The following ARHGAP15 variants were observed in gnomAD, a reference collection of about 807,000 sequenced individuals.
The protein encoded by ARHGAP15 is rho GTPase-activating protein 15.
ARHGAP15 carries 51 observed loss-of-function variants against 63.7 expected under a neutral mutation model. The ratio of observed to expected loss-of-function variants is 0.80; its 90% CI spans 0.64 to 1.01. ARHGAP15 has a LOEUF of 1.01. Among genes scored for constraint, ARHGAP15 ranks in the 50% least tolerant of loss-of-function variants. The probability of loss-of-function intolerance (pLI) is 0.00; values close to 1 mark genes in which losing one functional copy is unlikely to be tolerated. For missense variants in ARHGAP15, 560 were observed against 564.6 expected, an observed-to-expected ratio of 0.99 and a Z score of 0.08; for synonymous variants, 191 against 193.8, an observed-to-expected ratio of 0.99 and a Z score of 0.12.
At chr2:143,435,473 C>G in intron 6 of ARHGAP15, 128 bp from the exon 7 acceptor site, 1 of 1,310,642 alleles carries the variant, frequency 7.6e-7, no homozygotes, top group Non-Finnish European at 9.8e-7. Context: ...AAGACAATTA[C>G]TGGAATACAA....
chr2:143,533,589 T>C (rs531206632), intron 10 of ARHGAP15, among the ~76,000 whole-genome samples: 5 of 152,280 alleles, frequency 3.3e-5, no homozygotes, highest in African/African-American at 9.6e-5. Context: ...TATTAGAGTA[T>C]GTTCAAGCAC....
chr2:143,301,983 A>G (rs551183489), intron 6 of ARHGAP15, among the ~76,000 whole-genome samples: 7 of 151,940 alleles, frequency 4.6e-5, no homozygotes, highest in Admixed American at 6.6e-5. Flanking sequence ...CAACCAAGGT[A>G]ATTTTATAAA....
chr2:143,552,693 T>C (rs995089292), intron 10 of ARHGAP15, among the ~76,000 whole-genome samples: 3 of 152,178 alleles, frequency 2.0e-5, no homozygotes, highest in Non-Finnish European at 4.4e-5. Context: ...AATATTTCAG[T>C]GAATGTGGAT....
intron 2 of ARHGAP15, among the ~76,000 whole-genome samples, chr2:143,190,071 A>C (rs1691619951): frequency 6.6e-6 from 1 of 152,118 alleles, no homozygotes; most frequent in Non-Finnish European, 1.5e-5. Flanking sequence ...TGTAAGCTTC[A>C]TGAGAACAGA....
At chr2:143,287,362 T>C (rs1682157240) in intron 6 of ARHGAP15, among the ~76,000 whole-genome samples, 2 of 152,162 alleles carry the variant, frequency 1.3e-5, no homozygotes, top group Admixed American at 1.3e-4. Flanking sequence ...TCTTGTCTTC[T>C]GCTCGGTTTC....
chr2:143,687,876 T>C (rs2105385912), intron 12 of ARHGAP15, among the ~76,000 whole-genome samples: 1 of 152,360 alleles, frequency 6.6e-6, no homozygotes, highest in Admixed American at 6.5e-5. Flanking sequence ...TATTTTGGTA[T>C]ATTCCTACCA....
At chr2:143,547,064 C>G (rs1001105632) in intron 10 of ARHGAP15, among the ~76,000 whole-genome samples, 1 of 152,090 alleles carries the variant, frequency 6.6e-6, no homozygotes, top group Non-Finnish European at 1.5e-5. Context: ...ATTTCTCAAG[C>G]AAACTCAGAA....
intron 6 of ARHGAP15, among the ~76,000 whole-genome samples, chr2:143,296,786 C>T (rs1004547433): frequency 2.0e-5 from 3 of 151,470 alleles, no homozygotes; most frequent in Non-Finnish European, 4.4e-5. Flanking sequence ...GTATTAAGCC[C>T]AGTACCCAAT....
At chr2:143,496,100 A>G (rs1236106534) in intron 9 of ARHGAP15, among the ~76,000 whole-genome samples, 1 of 152,174 alleles carries the variant, frequency 6.6e-6, no homozygotes, top group African/African-American at 2.4e-5. Context: ...AAGCTTCTTT[A>G]TCTCGGCCTA....
chr2:143,571,326 A>C (rs2105121000), intron 11 of ARHGAP15, among the ~76,000 whole-genome samples: 1 of 152,328 alleles, frequency 6.6e-6, no homozygotes. Flanking sequence ...CTTCCACGAA[A>C]CTGGTCCCTG....
intron 10 of ARHGAP15, among the ~76,000 whole-genome samples, chr2:143,535,126 T>C (rs1183654844): frequency 6.6e-6 from 1 of 152,110 alleles, no homozygotes; most frequent in Non-Finnish European, 1.5e-5. Context: ...CTAAGTACAG[T>C]AATATACTTC....
At chr2:143,277,623 T>C (rs1162614436) in intron 6 of ARHGAP15, among the ~76,000 whole-genome samples, 4 of 151,974 alleles carry the variant, frequency 2.6e-5, no homozygotes, top group Non-Finnish European at 5.9e-5. Flanking sequence ...TTGAAGTTGG[T>C]GATAATACCT....
At chr2:143,355,821 CA>C (rs1325850671) in intron 6 of ARHGAP15, among the ~76,000 whole-genome samples, 2 of 152,116 alleles carry the variant, frequency 1.3e-5, no homozygotes, top group African/African-American at 4.8e-5. Context: ...TGCATGTTAA[CA>C]GCTAATGCCA....
intron 12 of ARHGAP15, among the ~76,000 whole-genome samples, chr2:143,641,994 A>G (rs987643298): frequency 3.9e-5 from 6 of 152,138 alleles, no homozygotes; most frequent in African/African-American, 1.4e-4. Flanking sequence ...CATTTATATT[A>G]TGAAATACTA....
chr2:143,478,340 C>T lies in ARHGAP15; in HGVS notation c.704-9033C>T, dbSNP rs564653856. 9.5e-4 allele frequency among the ~76,000 whole-genome samples: 144 copies of T among 152,186 alleles called. 1 individual carries two copies. The highest frequency in any genetic ancestry group is 2.0e-3 in the Admixed American group (30 of 15,282). ...TCTCTCTCAGCCGTACAATGATACA[C>T]ACCACATGGATAGTTTCAGTAATCA... is the stretch of plus-strand genomic sequence containing the variant. On this transcript the variant is annotated intron_variant, in intron 8 of 13. Coordinates refer to ENST00000295095, the MANE Select transcript of ARHGAP15 (RefSeq NM_018460.4).
In ARHGAP15 at chr2:143,371,007, TG is replaced by T. The variant is rs1315411809; in HGVS notation, c.475-64588del. ...AGTTGTACAATGTGCCCTGATAAAT[TG>T]GGGGGAATAGGTTGTTGGGGAATTT... is the stretch of plus-strand genomic sequence containing the variant. On this transcript the variant is annotated intron_variant, in intron 6 of 13. Transcript: ENST00000295095. Among the ~76,000 whole-genome samples, 5 of 152,282 alleles carry T rather than the reference TG, an allele frequency of 3.3e-5. No individual in the cohort carries two copies. The East Asian group carries it at 9.6e-4, about 29-fold the overall frequency.
chr2:143,735,494 G>A (rs542292607), intron 13 of ARHGAP15, among the ~76,000 whole-genome samples: 7 of 152,132 alleles, frequency 4.6e-5, no homozygotes, highest in Admixed American at 1.3e-4. Flanking sequence ...GAATTGTATC[G>A]TATCAGCTTA....
chr2:143,585,116 T>C (rs1347915523), intron 11 of ARHGAP15, among the ~76,000 whole-genome samples: 1 of 152,160 alleles, frequency 6.6e-6, no homozygotes, highest in Non-Finnish European at 1.5e-5. Flanking sequence ...CACAGGAAGT[T>C]CACAATTCCA....
intron 6 of ARHGAP15, among the ~76,000 whole-genome samples, chr2:143,399,403 C>T (rs1011560434): frequency 2.6e-5 from 4 of 151,770 alleles, no homozygotes; most frequent in Non-Finnish European, 5.9e-5. Context: ...TTGCTTCTAT[C>T]TAAAAAAGCT....
Sources: gnomAD v4.1 joint callset for allele counts (sites outside exome capture counted in the v4.1 genomes callset) on GRCh38, gnomAD v4.1.1 for gene constraint, MANE v1.5 for transcripts, NCBI Gene and HGNC (gene_info 2026-07-23, HGNC 2026-07-21) for gene names.